The following CTNNA2 variants were observed in gnomAD, a reference collection of about 807,000 sequenced individuals.
CTNNA2 encodes the protein catenin alpha 2, also known as catenin alpha-2.
In CTNNA2, 42 loss-of-function variants were observed where a neutral mutation model predicts 101.0. That is an observed-to-expected ratio of 0.42 (90% confidence interval 0.32 to 0.54). The LOEUF is 0.54. Among genes scored for constraint, CTNNA2 ranks in the 20% least tolerant of loss-of-function variants. The pLI is 0.14. For missense variants in CTNNA2, 871 were observed against 1,223.1 expected (o/e 0.71, Z 4.29); for synonymous variants, 450 against 456.4 (o/e 0.99, Z 0.18).
At chr2:79,356,020 G>C (rs976302877) in intron 3 of CTNNA2, among the ~76,000 whole-genome samples, 1 of 151,586 alleles carries the variant, frequency 6.6e-6, no homozygotes, top group African/African-American at 2.4e-5. Flanking sequence ...CCACGTAACT[G>C]TTTACTAATG....
chr2:79,690,796 C>T (rs2104698300), intron 2 of CTNNA2, among the ~76,000 whole-genome samples: 1 of 152,090 alleles, frequency 6.6e-6, no homozygotes, highest in East Asian at 1.9e-4. Flanking sequence ...ATATCATCAT[C>T]ACACTTGTTT....
At chr2:79,624,076 TTCCTTC>T (rs1301661245) in intron 1 of CTNNA2, among the ~76,000 whole-genome samples, 1 of 152,112 alleles carries the variant, frequency 6.6e-6, no homozygotes, top group Non-Finnish European at 1.5e-5. Flanking sequence ...TTTCTATACT[TTCCTTC>T]TACTACTTTG....
At chr2:79,417,953 T>C (rs13016672) in intron 4 of CTNNA2, among the ~76,000 whole-genome samples, 45,391 of 151,918 alleles carry the variant, frequency 0.3, 6,943 homozygotes, top group South Asian at 0.45. Flanking sequence ...ACGTGGGAAA[T>C]GGAATTATTA....
At chr2:80,476,391 G>T (rs371186635) in intron 9 of CTNNA2, among the ~76,000 whole-genome samples, 2 of 152,132 alleles carry the variant, frequency 1.3e-5, no homozygotes, top group East Asian at 3.9e-4. Flanking sequence ...AGGGGAAAAG[G>T]TGGAAAAATA....
At chr2:79,733,794 A>C (rs190338754) in intron 2 of CTNNA2, among the ~76,000 whole-genome samples, 1 of 152,218 alleles carries the variant, frequency 6.6e-6, no homozygotes, top group East Asian at 1.9e-4. Context: ...CTCCCTATAG[A>C]GTATGTGCAC....
chr2:80,355,933 C>T (rs1024899200), intron 7 of CTNNA2, among the ~76,000 whole-genome samples: 6 of 151,704 alleles, frequency 4.0e-5, no homozygotes, highest in African/African-American at 1.5e-4. Context: ...TCACATTGTT[C>T]TTTTTTTTCT....
rs115318308 is a variant in CTNNA2, at chr2:80,267,575, C to T, written c.1057-125636C>T. On this transcript the variant is annotated intron_variant, in intron 7 of 18. Transcript: ENST00000402739. ...AGGGAAACAGATGGAATGAAATTGC[C>T]ACCTGGATGGGAAACTACAAATGAC... Among the ~76,000 whole-genome samples the T allele has an allele frequency of 3.9e-3, 588 of 152,234 alleles. 3 individuals are homozygous for T. The highest frequency in any genetic ancestry group is 0.013 in the African/African-American group (555 of 41,538).
chr2:79,829,245 C>T (rs1352722271), intron 3 of CTNNA2, among the ~76,000 whole-genome samples: 2 of 151,644 alleles, frequency 1.3e-5, no homozygotes, highest in African/African-American at 4.8e-5. Context: ...AGGCCAGGCG[C>T]GGTTGGCTCA....
chr2:80,279,049 C>CGTGTGTGTGTGTGTGTGTGTGTGTGTGT (rs3219982), intron 7 of CTNNA2, among the ~76,000 whole-genome samples: 1 of 135,734 alleles, frequency 7.4e-6, no homozygotes, highest in Non-Finnish European at 1.6e-5. Context: ...ATGACTTTTA[C>CGTGTGTGTGTGTGTGTGTGTGTGTGTGT]GTGTGTGTGT....
At chr2:79,484,645 C>A (rs917124643) in intron 4 of CTNNA2, among the ~76,000 whole-genome samples, 1 of 152,100 alleles carries the variant, frequency 6.6e-6, no homozygotes, top group African/African-American at 2.4e-5. Flanking sequence ...ACAGGCTTCT[C>A]CTCAGGCGTA....
intron 1 of CTNNA2, among the ~76,000 whole-genome samples, chr2:79,585,041 T>A (rs926909127): frequency 6.6e-6 from 1 of 152,364 alleles, no homozygotes; most frequent in South Asian, 2.1e-4. Context: ...TCCACTGGTG[T>A]TCAAATATCT....
intron 4 of CTNNA2, among the ~76,000 whole-genome samples, chr2:79,496,009 C>A (rs1195860209): frequency 6.6e-6 from 1 of 152,118 alleles, no homozygotes; most frequent in Non-Finnish European, 1.5e-5. Flanking sequence ...AGAAGAATGA[C>A]AAATGACTGC....
At chr2:79,919,002 C>A (rs1229579337) in intron 7 of CTNNA2, among the ~76,000 whole-genome samples, 1 of 152,150 alleles carries the variant, frequency 6.6e-6, no homozygotes, top group Non-Finnish European at 1.5e-5. Context: ...ACTGACTGGG[C>A]AGACTTGGAA....
intron 4 of CTNNA2, among the ~76,000 whole-genome samples, chr2:79,395,954 T>G (rs1186350211): frequency 1.3e-5 from 2 of 152,162 alleles, no homozygotes; most frequent in African/African-American, 2.4e-5. Flanking sequence ...ACACACTCAC[T>G]TAACCATAGC....
At chr2:80,035,364 T>A (rs1007689778) in intron 7 of CTNNA2, among the ~76,000 whole-genome samples, 3 of 152,144 alleles carry the variant, frequency 2.0e-5, no homozygotes, top group African/African-American at 7.2e-5. Context: ...CTAAAAAAAA[T>A]TGGGAAGATT....
At position 80,024,270 on chromosome 2, in the gene CTNNA2, CATAA is replaced by C. The variant is rs143526018; in HGVS notation, c.1056+114478_1056+114481del. ...ATGCTGCCTCTATGAGTTTTACACACATAAATAAGACTTTTCAATAAAATGTGAC... is the reference window on the plus strand; with the variant it reads ...ATGCTGCCTCTATGAGTTTTACACACATAAGACTTTTCAATAAAATGTGAC... On this transcript the variant is annotated intron_variant, in intron 7 of 18. Coordinates refer to ENST00000402739, the MANE Select transcript of CTNNA2 (RefSeq NM_001282597.3). 7.6e-3 allele frequency among the ~76,000 whole-genome samples: 1,154 copies of C among 152,202 alleles called. 14 individuals are homozygous for C. The highest frequency in any genetic ancestry group is 0.026 in the African/African-American group (1,087 of 41,532).
At position 79,542,534 on chromosome 2, in the gene CTNNA2, T is replaced by A. The variant is rs1227676931; in HGVS notation, c.-6+29327T>A. Among the ~76,000 whole-genome samples the A allele has an allele frequency of 5.3e-5, 8 of 152,306 alleles. No individual in the cohort carries two copies. In the South Asian group the frequency reaches 8.3e-4, roughly 16 times the overall value. On this transcript the variant is annotated intron_variant, in intron 1 of 18. Coordinates refer to ENST00000402739, the MANE Select transcript of CTNNA2 (RefSeq NM_001282597.3). ...GAAGCAAAATTCCCAGATTTGAATC[T>A]CAGCTTCATTGCTCACTAAAACTGG... is the stretch of plus-strand genomic sequence containing the variant.
At chr2:79,865,421 T>C (rs6547286) in intron 4 of CTNNA2, among the ~76,000 whole-genome samples, 39,108 of 152,076 alleles carry the variant, frequency 0.26, 5,657 homozygotes, top group East Asian at 0.58. Flanking sequence ...AACAAGAGAT[T>C]TACATATGAT....
chr2:79,375,406 C>T (rs1677956138), intron 4 of CTNNA2, among the ~76,000 whole-genome samples: 2 of 152,206 alleles, frequency 1.3e-5, no homozygotes, highest in East Asian at 1.9e-4. Flanking sequence ...AAGAGCTTTT[C>T]GCCATCGTTC....
Sources: gnomAD v4.1 joint callset for allele counts (sites outside exome capture counted in the v4.1 genomes callset) on GRCh38, gnomAD v4.1.1 for gene constraint, MANE v1.5 for transcripts, NCBI Gene and HGNC (gene_info 2026-07-23, HGNC 2026-07-21) for gene names.